KMT2A: variants seen among roughly 807,000 people sequenced by gnomAD.
KMT2A encodes lysine methyltransferase 2A, also known as histone-lysine N-methyltransferase 2A.
In KMT2A, 16 loss-of-function variants were observed where a neutral mutation model predicts 345.3. The ratio of observed to expected loss-of-function variants is 0.05; its 90% CI spans 0.03 to 0.07. The LOEUF is 0.07. KMT2A is among the 10% of genes least tolerant of loss of function. KMT2A has a pLI of 1.00. For synonymous variants in KMT2A, 1,599 were observed against 1,778.6 expected, an observed-to-expected ratio of 0.90 and a Z score of 2.54; for missense variants, 3,272 against 4,841.6, an observed-to-expected ratio of 0.68 and a Z score of 9.62.
rs9332852 is a variant in KMT2A at position 118,510,354 on chromosome 11, C to T, written c.11071+236C>T. Among the ~76,000 whole-genome samples, 6,481 of 152,252 alleles carry T rather than the reference C, an allele frequency of 0.043. 191 individuals are homozygous for T. Among genetic ancestry groups the T allele is most frequent in the South Asian group, 0.075 (359 of 4,818 alleles). On this transcript the variant is annotated intron_variant, in intron 30 of 35. Transcript: ENST00000534358. This position sits in a 1 kb window ranked among gnomAD's most constrained non-coding sequence, Gnocchi z 4.1. Reference sequence around the variant, plus strand: ...GTTTTCAACATTGCACACACCTTAGCGGAGCCCCTGAGAACTCTGCTTCCC... The same window carrying T: ...GTTTTCAACATTGCACACACCTTAGTGGAGCCCCTGAGAACTCTGCTTCCC...
intron 1 of KMT2A, among the ~76,000 whole-genome samples, chr11:118,462,193 A>G (rs1284662563): frequency 6.6e-6 from 1 of 151,894 alleles, no homozygotes; most frequent in Non-Finnish European, 1.5e-5. Context: ...GCCTCAGGTG[A>G]CCCACCCATC....
At chr11:118,489,964 A>ACATCC in intron 12 of KMT2A, 77 bp downstream of exon 12, 1 of 1,462,918 alleles carries the variant, frequency 6.8e-7, no homozygotes, top group Non-Finnish European at 9.5e-7. Flanking sequence ...TATTACAAAT[A>ACATCC]TCTATGCTTG....
chr11:118,448,552 G>A (rs1355343664), intron 1 of KMT2A: 2 of 152,132 alleles, frequency 1.3e-5, no homozygotes, highest in African/African-American at 4.8e-5. Context: ...AGTCTGGGCA[G>A]AGCTGATATT....
At position 118,498,391 on chromosome 11, in the gene KMT2A, C is replaced by T; in HGVS notation, c.5824C>T (p.Pro1942Ser). The change falls in exon 22 of 36, where the codon CCA (proline) becomes TCA (serine). Residue 1942 changes from proline to serine, a missense_variant. Pro to Ser is a moderately conservative substitution (Grantham distance 74). Coordinates refer to ENST00000534358, the MANE Select transcript of KMT2A (RefSeq NM_001197104.2). The surrounding 1 kb of genome is among the most constrained non-coding windows in gnomAD (Gnocchi z 4.4). ...KQLRCEFCQK[P>S]GATVGCCLTS... is the part of the protein sequence containing the mutation. ...TTAGAGATGTGAATTCTGCCAAAAG[C>T]CAGGAGCCACCGTGGGTTGCTGTCT... 1.9e-6 allele frequency: 3 copies of T among 1,611,262 alleles called. No homozygotes were observed. Among genetic ancestry groups the T allele is most frequent in the Non-Finnish European group, 2.5e-6 (3 of 1,179,278 alleles).
At chr11:118,488,445 A>G (rs782613036) in intron 10 of KMT2A, 169 bp from the exon 11 acceptor site, 1 of 707,196 alleles carries the variant, frequency 1.4e-6, no homozygotes, top group South Asian at 1.5e-5. Context: ...AATCTCCCGC[A>G]GTGTCCAATA....
rs2134268728 is a variant in KMT2A at position 118,473,601 on chromosome 11, G to A, written c.2442G>A (p.Gln814=). 1 of 1,614,064 alleles carries A rather than the reference G, an allele frequency of 6.2e-7. No individual in the cohort carries two copies. Among genetic ancestry groups the A allele is most frequent in the Non-Finnish European group, 8.5e-7 (1 of 1,180,032 alleles). ...TQSGESAEKN[Q]RPRKQTSAPA... is the part of the protein sequence containing the mutation. ...CTGGGGAATCTGCAGAGAAAAATCAGAGACCAAGGAAGCAGACTAGTGCTC... is the reference window on the plus strand; with the variant it reads ...CTGGGGAATCTGCAGAGAAAAATCAAAGACCAAGGAAGCAGACTAGTGCTC... The change falls in exon 3 of 36, where the codon CAG becomes CAA. Residue 814 remains glutamine (Q), a synonymous_variant. Coordinates refer to ENST00000534358, the MANE Select transcript of KMT2A (RefSeq NM_001197104.2). This position sits in a 1 kb window ranked among gnomAD's most constrained non-coding sequence, Gnocchi z 5.2.
At chr11:118,480,594 C>A (rs559442160) in intron 6 of KMT2A, among the ~76,000 whole-genome samples, 5 of 152,166 alleles carry the variant, frequency 3.3e-5, no homozygotes, top group East Asian at 1.9e-4. Context: ...TGTCACATTT[C>A]TACGCTTCTA....
rs1950553558 is a variant in KMT2A at position 118,504,778 on chromosome 11, A to G, written c.8886A>G (p.Arg2962=). Residue 2962 remains arginine, a synonymous_variant, in exon 27 of 36, where the codon AGA becomes AGG. Coordinates refer to ENST00000534358, the MANE Select transcript of KMT2A (RefSeq NM_001197104.2). The surrounding 1 kb of genome is among the most constrained non-coding windows in gnomAD (Gnocchi z 6.4). ...TTATCTCAGACTCAGGGGAGAAGAGAGTAACCATCACAGAAAAATCTGTAG... is the reference window on the plus strand; with the variant it reads ...TTATCTCAGACTCAGGGGAGAAGAGGGTAACCATCACAGAAAAATCTGTAG... ...LAVISDSGEK[R]VTITEKSVAS... 6.2e-7 allele frequency: 1 copy of G among 1,614,112 alleles called. No homozygotes were observed. Among genetic ancestry groups the G allele is most frequent in the Non-Finnish European group, 8.5e-7 (1 of 1,180,030 alleles).
At position 118,484,050 on chromosome 11, in the gene KMT2A, A is replaced by G. The variant is rs912706941; in HGVS notation, c.4087-133A>G. The G allele has an allele frequency of 1.5e-5, 14 of 935,780 alleles. No individual in the cohort carries two copies. Among genetic ancestry groups the G allele is most frequent in the Non-Finnish European group, 2.2e-5 (14 of 635,334 alleles). The allele number at this position is 935,780 out of a possible 1,614,324, so 58.0% of individuals were successfully genotyped here. A position where few individuals can be genotyped will look rare whatever the true frequency, so the allele number is the denominator to read the frequency against. ...CAGTCTCTTTTAAAAAAAAATTCAA[A>G]GATTATTTGTTTATGTTGGAAACAT... is the stretch of plus-strand genomic sequence containing the variant. On this transcript the variant is annotated intron_variant, in intron 8 of 35. Coordinates refer to ENST00000534358, the MANE Select transcript of KMT2A (RefSeq NM_001197104.2). The surrounding 1 kb of genome is among the most constrained non-coding windows in gnomAD (Gnocchi z 4.1).
At position 118,521,130 on chromosome 11, in the gene KMT2A, T is replaced by C. The variant is rs997349408; in HGVS notation, c.11514-158T>C. 4.5e-4 allele frequency: 338 copies of C among 757,582 alleles called. 2 individuals carry two copies. The highest frequency in any genetic ancestry group is 7.3e-4 in the Admixed American group (28 of 38,386). The allele number at this position is 757,582 out of a possible 1,614,324, so 46.9% of individuals were successfully genotyped here. On this transcript the variant is annotated intron_variant, in intron 34 of 35. Transcript: ENST00000534358. This position sits in a 1 kb window ranked among gnomAD's most constrained non-coding sequence, Gnocchi z 5.3. ...TGGAAATAACTTTCATCTTTGGCCA[T>C]GTGTTAGATGGCCAAATCAAGTGGG...
At chr11:118,485,771 A>G (rs868940152) in intron 10 of KMT2A, among the ~76,000 whole-genome samples, 2 of 152,204 alleles carry the variant, frequency 1.3e-5, no homozygotes, top group African/African-American at 4.8e-5. Flanking sequence ...ATCTATAGGG[A>G]GCATGGGTTA....
At position 118,520,834 on chromosome 11, in the gene KMT2A, T is replaced by C. The variant is rs1950950049; in HGVS notation, c.11462T>C (p.Met3821Thr). Residue 3821 changes from methionine (M) to threonine (T), a missense_variant, in exon 34 of 36, where the codon ATG (methionine) becomes ACG (threonine). Physicochemically the swap from Met to Thr is moderately conservative, Grantham distance 81. Transcript: ENST00000534358. The surrounding 1 kb of genome is among the most constrained non-coding windows in gnomAD (Gnocchi z 4.3). ...ACTAGCATGGATCTGCCAATGCCCATGCGCTTCCGGCACTTAAAAAAGACT... is the reference window on the plus strand; with the variant it reads ...ACTAGCATGGATCTGCCAATGCCCACGCGCTTCCGGCACTTAAAAAAGACT... ...RATSMDLPMP[M>T]RFRHLKKTSK... 1.9e-6 allele frequency: 3 copies of C among 1,614,142 alleles called. No individual in the cohort carries two copies. Among genetic ancestry groups the C allele is most frequent in the Non-Finnish European group, 2.5e-6 (3 of 1,179,964 alleles).
In KMT2A at chr11:118,495,867, T is replaced by C; in HGVS notation, c.5531T>C (p.Leu1844Pro). ...GGAGAACCAGACTCACCAACTCCTC[T>C]GCATCCTCCTACACCACCAATTTTG... ...GPGEPDSPTP[L>P]HPPTPPILST... The change falls in exon 19 of 36, where the codon CTG becomes CCG. Residue 1844 changes from leucine to proline, a missense_variant. Leu to Pro is a moderately conservative substitution (Grantham distance 98). This residue lies in a region of KMT2A where 235 missense variants were observed against 503.4 expected (regional missense o/e 0.47). Coordinates refer to ENST00000534358, the MANE Select transcript of KMT2A (RefSeq NM_001197104.2). The surrounding 1 kb of genome is among the most constrained non-coding windows in gnomAD (Gnocchi z 4.1). The C allele has an allele frequency of 6.2e-7, 1 of 1,613,674 alleles. No homozygotes were observed. Among genetic ancestry groups the C allele is most frequent in the Non-Finnish European group, 8.5e-7 (1 of 1,179,818 alleles).
In KMT2A at chr11:118,522,290, T is replaced by C; in HGVS notation, c.*118T>C. The C allele has an allele frequency of 2.1e-6, 2 of 967,802 alleles. No homozygotes were observed. Among genetic ancestry groups the C allele is most frequent in the Non-Finnish European group, 3.1e-6 (2 of 641,670 alleles). 60.0% of individuals were successfully genotyped at this position (967,802 alleles called of 1,614,324 possible). A position where few individuals can be genotyped will look rare whatever the true frequency, so the allele number is the denominator to read the frequency against. On this transcript the variant is annotated 3_prime_UTR_variant, in exon 36 of 36. Coordinates refer to ENST00000534358, the MANE Select transcript of KMT2A (RefSeq NM_001197104.2). This position sits in a 1 kb window ranked among gnomAD's most constrained non-coding sequence, Gnocchi z 5.4. Reference sequence around the variant, plus strand: ...TTGCGTGGCACAGCTGAGGGGCCTCTGTGATGGCTGAGCTCTCTTATGTCC... The same window carrying C: ...TTGCGTGGCACAGCTGAGGGGCCTCCGTGATGGCTGAGCTCTCTTATGTCC...
At chr11:118,443,144 G>A (rs1949347466) in intron 1 of KMT2A, among the ~76,000 whole-genome samples, 1 of 152,154 alleles carries the variant, frequency 6.6e-6, no homozygotes, top group South Asian at 2.1e-4. Context: ...TGGCATTTAT[G>A]ACAGTGTGGA....
chr11:118,477,442 T>G (rs749867464), intron 4 of KMT2A, among the ~76,000 whole-genome samples: 4 of 151,362 alleles, frequency 2.6e-5, no homozygotes, highest in African/African-American at 4.9e-5. Context: ...GATTTTAGAT[T>G]AGACTTTTGT....
rs1434009618 is a variant in KMT2A at position 118,523,666 on chromosome 11, AAAG to A, written c.*1499_*1501del. 3 of 227,996 alleles carry A rather than the reference AAAG, an allele frequency of 1.3e-5. No individual in the cohort carries two copies. The highest frequency in any genetic ancestry group is 5.7e-5 in the Admixed American group (1 of 17,576). The allele number at this position is 227,996 out of a possible 1,614,324, so 14.1% of individuals were successfully genotyped here. A position where few individuals can be genotyped will look rare whatever the true frequency, so the allele number is the denominator to read the frequency against. ...TAAACCGCGGTATTATCCTAATTTA[AAAG>A]AAGATCGGTTTTTAATAATTTTTTA... is the stretch of plus-strand genomic sequence containing the variant. On this transcript the variant is annotated 3_prime_UTR_variant, in exon 36 of 36. Coordinates refer to ENST00000534358, the MANE Select transcript of KMT2A (RefSeq NM_001197104.2).
intron 1 of KMT2A, chr11:118,458,224 C>CA (rs1949683800): frequency 3.0e-6 from 1 of 330,086 alleles, no homozygotes; most frequent in Non-Finnish European, 6.0e-6. Flanking sequence ...GCTGGGACTA[C>CA]AGGCACCCAC....
chr11:118,454,338 A>G (rs1169932786), intron 1 of KMT2A, among the ~76,000 whole-genome samples: 3 of 152,188 alleles, frequency 2.0e-5, no homozygotes, highest in South Asian at 2.1e-4. Flanking sequence ...CCATTCTGCT[A>G]TATAGCCACA....
Sources: gnomAD v4.1 joint callset for allele counts (sites outside exome capture counted in the v4.1 genomes callset) on GRCh38, gnomAD v4.1.1 for gene constraint, gnomAD v4.1.1 regional missense constraint, Gnocchi (gnomAD v3.1) non-coding constraint, MANE v1.5 for transcripts, NCBI Gene and HGNC (gene_info 2026-07-23, HGNC 2026-07-21) for gene names.